PGPEP1L: variants seen among roughly 807,000 people sequenced by gnomAD.
The protein encoded by PGPEP1L is pyroglutamyl-peptidase 1-like protein.
A neutral mutation model predicts 6.0 loss-of-function variants in PGPEP1L; 7 were observed. The observed-to-expected ratio is 1.17, with a 90% CI of 0.66 to 2.19. The LOEUF (loss-of-function observed/expected upper bound fraction) is 2.19, where lower values mean the gene tolerates loss of function less well. PGPEP1L is among the 30% of genes most tolerant of loss of function. The pLI is 0.00. For synonymous variants in PGPEP1L, 103 were observed against 83.9 expected, an observed-to-expected ratio of 1.23 and a Z score of -1.24; for missense variants, 209 against 192.5, an observed-to-expected ratio of 1.09 and a Z score of -0.51.
In PGPEP1L at chr15:98,968,571, G is replaced by A. The variant is rs1474519741; in HGVS notation, c.336C>T (p.Ile112=). 1.0e-5 allele frequency: 16 copies of A among 1,579,766 alleles called. No individual in the cohort carries two copies. The highest frequency in any genetic ancestry group is 1.2e-5 in the Non-Finnish European group (14 of 1,160,966). The change falls in exon 5 of 5, where the codon ATC becomes ATT. Residue 112 remains isoleucine, a synonymous_variant. Transcript: ENST00000535714. ...ASLLGRALRV[I]IQEMLEEVGK... ...CCACCTCTTCCAGCATTTCCTGGATGATGACTCTCAAGGCTCTTCCCAGCA... is the reference window on the plus strand; with the variant it reads ...CCACCTCTTCCAGCATTTCCTGGATAATGACTCTCAAGGCTCTTCCCAGCA...
intron 2 of PGPEP1L, among the ~76,000 whole-genome samples, chr15:98,971,469 G>A (rs1409106434): frequency 6.6e-6 from 1 of 152,096 alleles, no homozygotes; most frequent in African/African-American, 2.4e-5. Flanking sequence ...GCTCCAGCCT[G>A]GGTGACAGAG....
At chr15:98,975,109 G>A (rs1167611049) in intron 2 of PGPEP1L, among the ~76,000 whole-genome samples, 1 of 152,104 alleles carries the variant, frequency 6.6e-6, no homozygotes, top group African/African-American at 2.4e-5. Flanking sequence ...CAGAAAATAT[G>A]GTAATCATAC....
At chr15:99,003,032 G>GAAGTAAAAC (rs2017996376) in intron 2 of PGPEP1L, among the ~76,000 whole-genome samples, 2 of 152,110 alleles carry the variant, frequency 1.3e-5, no homozygotes, top group Admixed American at 1.3e-4. Flanking sequence ...AACAGGGTTG[G>GAAGTAAAAC]CTCATGAGGA....
At chr15:98,975,292 A>G (rs7181575) in intron 2 of PGPEP1L, among the ~76,000 whole-genome samples, 140,640 of 152,230 alleles carry the variant, frequency 0.92, 65,031 homozygotes, top group South Asian at 0.94. Flanking sequence ...GAGGTAGAGA[A>G]TAGAATGATG....
intron 2 of PGPEP1L, among the ~76,000 whole-genome samples, chr15:98,999,526 T>C (rs1179078196): frequency 6.7e-6 from 1 of 149,648 alleles, no homozygotes; most frequent in East Asian, 1.9e-4. Context: ...AGTTTGACAA[T>C]TTTTTTTTAA....
At chr15:98,994,648 AT>A (rs1292748682) in intron 2 of PGPEP1L, among the ~76,000 whole-genome samples, 1 of 152,106 alleles carries the variant, frequency 6.6e-6, no homozygotes, top group Non-Finnish European at 1.5e-5. Flanking sequence ...GCTAGTTTAG[AT>A]TTTGCCTGCG....
intron 2 of PGPEP1L, among the ~76,000 whole-genome samples, chr15:99,004,681 G>A (rs549332986): frequency 6.6e-6 from 1 of 152,294 alleles, no homozygotes; most frequent in South Asian, 2.1e-4. Flanking sequence ...TTACGCCACT[G>A]CACTCTAGCC....
intron 2 of PGPEP1L, among the ~76,000 whole-genome samples, chr15:98,979,294 T>C (rs1439251299): frequency 6.6e-6 from 1 of 151,442 alleles, no homozygotes; most frequent in Non-Finnish European, 1.5e-5. Context: ...TGCAGCTGCC[T>C]GTGAGATTCA....
Position 98,969,724 on chromosome 15 carries a change from G to A in PGPEP1L, c.-18-73C>T, listed in dbSNP as rs554186679. On this transcript the variant is annotated intron_variant, in intron 3 of 4. Coordinates refer to ENST00000535714, the MANE Select transcript of PGPEP1L (RefSeq NM_001167902.2). ...CCCTGCTCACCAAATGTGCAGAAGG[G>A]GCCACTCCTTTTGAGAGCCCGGCTC... 8 of 1,495,390 alleles carry A rather than the reference G, an allele frequency of 5.3e-6. No individual in the cohort carries two copies. The African/African-American group carries it at 5.5e-5, about 10-fold the overall frequency. 92.6% of individuals were successfully genotyped at this position (1,495,390 alleles called of 1,614,324 possible). A position where few individuals can be genotyped will look rare whatever the true frequency, so the allele number is the denominator to read the frequency against.
chr15:99,004,951 A>G (rs118143945), intron 2 of PGPEP1L, among the ~76,000 whole-genome samples: 23,267 of 150,892 alleles, frequency 0.15, 2,272 homozygotes, highest in Non-Finnish European at 0.22. Flanking sequence ...CTTACTCTGG[A>G]AGTGGGGACT....
chr15:98,996,498 G>A (rs1327958937), intron 2 of PGPEP1L, among the ~76,000 whole-genome samples: 1 of 144,332 alleles, frequency 6.9e-6, no homozygotes, highest in Non-Finnish European at 1.5e-5. Flanking sequence ...ATGTCTAGAT[G>A]TATACATGCA....
At chr15:98,973,670 C>T (rs189862877) in intron 2 of PGPEP1L, among the ~76,000 whole-genome samples, 1 of 152,042 alleles carries the variant, frequency 6.6e-6, no homozygotes, top group Admixed American at 6.6e-5. Context: ...GCAATGGAAA[C>T]ACAATATATC....
intron 2 of PGPEP1L, among the ~76,000 whole-genome samples, chr15:98,987,993 G>C (rs969059205): frequency 6.6e-6 from 1 of 152,236 alleles, no homozygotes; most frequent in African/African-American, 2.4e-5. Context: ...GCAACTGGCA[G>C]ACCAGGGGAT....
intron 2 of PGPEP1L, chr15:99,001,416 G>A (rs1167662590): frequency 5.8e-6 from 1 of 172,748 alleles, no homozygotes; most frequent in Non-Finnish European, 1.3e-5. Context: ...GTGGGGGGAC[G>A]TGAGTGGTGA....
chr15:98,969,871 G>A (rs1027569476), intron 3 of PGPEP1L, among the ~76,000 whole-genome samples: 1 of 152,052 alleles, frequency 6.6e-6, no homozygotes, highest in Non-Finnish European at 1.5e-5. Flanking sequence ...AAAAACTCAT[G>A]CTGCATTTAC....
chr15:98,994,042 T>C (rs1346422660), intron 2 of PGPEP1L, among the ~76,000 whole-genome samples: 3 of 151,930 alleles, frequency 2.0e-5, no homozygotes, highest in Non-Finnish European at 4.4e-5. Context: ...CCGAGGCAGG[T>C]GGATCATGAG....
chr15:98,969,581 C>G lies in PGPEP1L; in HGVS notation c.53G>C (p.Gly18Ala). 1 of 1,613,826 alleles carries G rather than the reference C, an allele frequency of 6.2e-7. No homozygotes were observed. The highest frequency in any genetic ancestry group is 8.5e-7 in the Non-Finnish European group (1 of 1,179,892). ...GCTGCGGATGTCGGCGTCCCGGTAGCCTTGGTTCTTGCCAGACTGTTCCAG... is the reference window on the plus strand; with the variant it reads ...GCTGCGGATGTCGGCGTCCCGGTAGGCTTGGTTCTTGCCAGACTGTTCCAG... ...IILEQSGKNQGYRDADIRSFW... is the reference protein window; with the variant it reads ...IILEQSGKNQAYRDADIRSFW... The change falls in exon 4 of 5, where the codon GGC becomes GCC. Residue 18 changes from glycine (G) to alanine (A), a missense_variant. Transcript: ENST00000535714.
intron 2 of PGPEP1L, among the ~76,000 whole-genome samples, chr15:98,989,823 T>C (rs545534067): frequency 5.3e-5 from 8 of 152,168 alleles, no homozygotes; most frequent in Non-Finnish European, 1.2e-4. Flanking sequence ...TGGGGGCCAA[T>C]ATTCAACATT....
intron 2 of PGPEP1L, 54 bp from the exon 3 acceptor site, chr15:98,971,212 G>C (rs1423796436): frequency 1.2e-5 from 5 of 410,218 alleles, no homozygotes; most frequent in East Asian, 4.7e-5. Flanking sequence ...GGGGGGGGGT[G>C]GGCACCAAGA....
Sources: allele counts gnomAD v4.1 joint callset (sites outside exome capture counted in the v4.1 genomes callset), GRCh38; gene constraint gnomAD v4.1.1; transcripts MANE v1.5; gene names NCBI Gene and HGNC (gene_info 2026-07-23, HGNC 2026-07-21).